Variants in DCLRE1C observed in about 807,000 individuals in gnomAD.
DCLRE1C encodes the protein DNA cross-link repair 1C.
DCLRE1C carries 47 observed loss-of-function variants against 61.4 expected under a neutral mutation model. The ratio of observed to expected loss-of-function variants is 0.77; its 90% confidence interval spans 0.61 to 0.98. DCLRE1C has a LOEUF of 0.98. DCLRE1C is among the 50% of genes least tolerant of loss of function. The pLI, the probability that DCLRE1C is intolerant of heterozygous loss-of-function variation, is 0.00. For missense variants in DCLRE1C, 858 were observed against 816.0 expected, an observed-to-expected ratio of 1.05 and a Z score of -0.63; for synonymous variants, 337 against 287.6, an observed-to-expected ratio of 1.17 and a Z score of -1.74.
intron 11 of DCLRE1C, among the ~76,000 whole-genome samples, chr10:14,925,124 G>A (rs1226182213): frequency 2.6e-5 from 4 of 151,048 alleles, no homozygotes; most frequent in African/African-American, 9.8e-5. Flanking sequence ...TTCACAGGAG[G>A]CATGCAAATA....
At chr10:14,932,796 C>G (rs1003035291) in intron 9 of DCLRE1C, 58 bp downstream of exon 9, 1 of 1,596,882 alleles carries the variant, frequency 6.3e-7, no homozygotes, top group Non-Finnish European at 8.6e-7. Context: ...AAGCCCTGAC[C>G]TTTCTTCTTT....
At chr10:14,912,336 G>A (rs997346670) in intron 13 of DCLRE1C, among the ~76,000 whole-genome samples, 2 of 152,280 alleles carry the variant, frequency 1.3e-5, no homozygotes, top group African/African-American at 2.4e-5. Context: ...GATTATAGGC[G>A]TGAGCCACTA....
intron 13 of DCLRE1C, among the ~76,000 whole-genome samples, chr10:14,913,860 C>T (rs1835715419): frequency 2.0e-5 from 3 of 152,082 alleles, no homozygotes; most frequent in African/African-American, 7.2e-5. Context: ...GTCCTGGAAC[C>T]AATCCCCCAA....
At chr10:14,953,804 C>G in intron 1 of DCLRE1C, 98 bp downstream of exon 1, 1 of 1,561,096 alleles carries the variant, frequency 6.4e-7, no homozygotes. Context: ...TCGCTGGCTT[C>G]CCACAGGCTG....
rs60272216 is a variant in DCLRE1C, at chr10:14,951,389, C to CAAAAAAAAA, written c.110-2311_110-2303dup. Among the ~76,000 whole-genome samples, 146 of 46,060 alleles carry CAAAAAAAAA rather than the reference C, an allele frequency of 3.2e-3. 8 individuals carry two copies. The highest frequency in any genetic ancestry group is 5.0e-3 in the Non-Finnish European group (119 of 23,952). The allele number at this position is 46,060 out of a possible 152,430, so 30.2% of individuals were successfully genotyped here. On this transcript the variant is annotated intron_variant, in intron 1 of 13. Transcript: ENST00000378278. ...TGGGTGACAGAGCAAAACCCTGTCT[C>CAAAAAAAAA]AAAAAAAAAAAAAAAAAAAAAAAAA...
rs373749905 is a variant in DCLRE1C, at chr10:14,927,996, C to G, written c.917+20G>C. On this transcript the variant is annotated intron_variant, in intron 10 of 13. Transcript: ENST00000378278. ...TTACTCAAAGTTTCTCTCAGAAGAC[C>G]TATGATATTGCTCTCTTACCTCACA... The G allele has an allele frequency of 6.2e-7, 1 of 1,612,960 alleles. No homozygotes were observed. The highest frequency in any genetic ancestry group is 2.2e-5 in the East Asian group (1 of 44,752).
chr10:14,920,736 C>G (rs1836961862), intron 12 of DCLRE1C, among the ~76,000 whole-genome samples: 1 of 152,192 alleles, frequency 6.6e-6, no homozygotes, highest in Non-Finnish European at 1.5e-5. Flanking sequence ...AATCCCAGCA[C>G]TTTGGGAGGC....
intron 11 of DCLRE1C, among the ~76,000 whole-genome samples, chr10:14,926,395 C>T (rs757019218): frequency 2.0e-5 from 3 of 152,148 alleles, no homozygotes; most frequent in Admixed American, 6.5e-5. Flanking sequence ...GTGACTTACA[C>T]GTGTAACCCA....
downstream of DCLRE1C, chr10:14,902,626 A>G: frequency 1.4e-6 from 1 of 696,678 alleles, no homozygotes; most frequent in South Asian, 2.6e-5. Context: ...TTAATTTACA[A>G]TTCATGTTTC....
upstream of DCLRE1C, chr10:14,954,257 G>A: frequency 1.6e-6 from 1 of 611,100 alleles, no homozygotes; most frequent in East Asian, 2.9e-5. Context: ...CCTGAGCCCT[G>A]CCCAGTGCAA....
rs61757205 is a variant in DCLRE1C, at chr10:14,908,593, C to T, written c.1894G>A (p.Glu632Lys). 3.2e-4 allele frequency: 522 copies of T among 1,614,110 alleles called. 6 individuals are homozygous for T. In the South Asian group the frequency reaches 4.7e-3, roughly 15 times the overall value. ...CTAAGATTTAGCAAACTTTTTTCCT[C>T]GGGTATATGTGTCTCACTGCTTAGA... ...TTLSSETHIPEEKSLLNLSTN... is the reference protein window; with the variant it reads ...TTLSSETHIPKEKSLLNLSTN... The change falls in exon 14 of 14, where the codon GAG becomes AAG. Residue 632 changes from glutamate (E) to lysine (K), a missense_variant. By Grantham distance (56) the Glu-to-Lys change is moderately conservative (BLOSUM62 1). Around this residue, in one of 2 missense-constraint regions of DCLRE1C, gnomAD observed 843 missense variants for 783.5 expected, o/e 1.08. Coordinates refer to ENST00000378278, the MANE Select transcript of DCLRE1C (RefSeq NM_001033855.3).
intron 1 of DCLRE1C, 103 bp downstream of exon 1, chr10:14,953,799 G>T: frequency 6.5e-7 from 1 of 1,542,316 alleles, no homozygotes; most frequent in South Asian, 1.1e-5. Flanking sequence ...CCCCCTCGCT[G>T]GCTTCCCACA....
chr10:14,910,916 T>C (rs1490798031), intron 13 of DCLRE1C, among the ~76,000 whole-genome samples: 1 of 152,182 alleles, frequency 6.6e-6, no homozygotes, highest in African/African-American at 2.4e-5. Flanking sequence ...GACTCCCTGC[T>C]TCATAACAGA....
At chr10:14,903,454 G>T (rs1381896942), downstream of DCLRE1C, 2 of 152,202 alleles carry the variant, frequency 1.3e-5, no homozygotes, top group Non-Finnish European at 2.9e-5. Flanking sequence ...TCAGGCAGGT[G>T]TAACAGTTCC....
rs935402984 is a variant in DCLRE1C, at chr10:14,906,156, G to A, written c.*2252C>T. Among the ~76,000 whole-genome samples, 9 of 152,150 alleles carry A rather than the reference G, an allele frequency of 5.9e-5. No individual in the cohort carries two copies. Among genetic ancestry groups the A allele is most frequent in the Admixed American group, 3.3e-4 (5 of 15,284 alleles). ...GCCAAACTGCCTGTGTTTGAATTCT[G>A]CCTGTGCCTCATAGCTATGTGAACT... On this transcript the variant is annotated 3_prime_UTR_variant, in exon 14 of 14. Transcript: ENST00000378278.
intron 4 of DCLRE1C, among the ~76,000 whole-genome samples, chr10:14,938,418 TACTTCA>T (rs1182886859): frequency 1.3e-5 from 2 of 152,110 alleles, no homozygotes; most frequent in African/African-American, 2.4e-5. Context: ...ATGGGAAGAA[TACTTCA>T]ACTTCAACTG....
intron 3 of DCLRE1C, among the ~76,000 whole-genome samples, chr10:14,941,537 T>C (rs1188609188): frequency 6.6e-6 from 1 of 152,208 alleles, no homozygotes; most frequent in Admixed American, 6.5e-5. Flanking sequence ...TTGTCCCACC[T>C]TGGCCTCCCG....
At chr10:14,936,814 C>G (rs924717334) in intron 4 of DCLRE1C, among the ~76,000 whole-genome samples, 1 of 152,092 alleles carries the variant, frequency 6.6e-6, no homozygotes, top group Non-Finnish European at 1.5e-5. Context: ...GTTATAGAAC[C>G]AAGATAAGCG....
At chr10:14,926,232 G>A (rs1358428839) in intron 11 of DCLRE1C, among the ~76,000 whole-genome samples, 1 of 152,078 alleles carries the variant, frequency 6.6e-6, no homozygotes, top group Non-Finnish European at 1.5e-5. Context: ...TACCTGAGCC[G>A]AGAACGTGCA....
Sources: allele counts gnomAD v4.1 joint callset (sites outside exome capture counted in the v4.1 genomes callset), GRCh38; gene constraint gnomAD v4.1.1; regional missense constraint gnomAD v4.1.1; transcripts MANE v1.5; gene names NCBI Gene and HGNC (gene_info 2026-07-23, HGNC 2026-07-21).